The following PRKG1 variants were observed in gnomAD, a reference collection of about 807,000 sequenced individuals.
The protein encoded by PRKG1 is protein kinase cGMP-dependent 1, also known as cGMP-dependent protein kinase 1.
A neutral mutation model predicts 88.1 loss-of-function variants in PRKG1; 35 were observed. That is an observed-to-expected ratio of 0.40 (90% CI 0.30 to 0.53). The LOEUF (loss-of-function observed/expected upper bound fraction) is 0.53. Among genes scored for constraint, PRKG1 ranks in the 20% least tolerant of loss-of-function variants. The probability of loss-of-function intolerance (pLI) is 0.59; values close to 1 mark genes in which losing one functional copy is unlikely to be tolerated. For synonymous variants in PRKG1, 303 were observed against 292.5 expected, an observed-to-expected ratio of 1.04 and a Z score of -0.37; for missense variants, 540 against 839.8, an observed-to-expected ratio of 0.64 and a Z score of 4.41.
chr10:52,090,552 T>C (rs1847030793), intron 7 of PRKG1, among the ~76,000 whole-genome samples: 1 of 152,186 alleles, frequency 6.6e-6, no homozygotes, highest in Non-Finnish European at 1.5e-5. Flanking sequence ...TAATAATTGC[T>C]GCAGGCAAGA....
intron 2 of PRKG1, among the ~76,000 whole-genome samples, chr10:51,415,174 C>T (rs559241814): frequency 2.6e-5 from 4 of 152,316 alleles, no homozygotes; most frequent in South Asian, 2.1e-4. Flanking sequence ...AGTATGCTGC[C>T]TCTCTGCAGT....
At chr10:51,754,009 T>C (rs1837794196) in intron 3 of PRKG1, among the ~76,000 whole-genome samples, 1 of 152,132 alleles carries the variant, frequency 6.6e-6, no homozygotes, top group South Asian at 2.1e-4. Context: ...CACTGTAACA[T>C]GGACTCTTGA....
At chr10:52,191,145 G>C (rs990556010) in intron 9 of PRKG1, among the ~76,000 whole-genome samples, 2 of 151,918 alleles carry the variant, frequency 1.3e-5, no homozygotes, top group Non-Finnish European at 2.9e-5. Context: ...CCTACCCTAC[G>C]ATAGTCCTAT....
chr10:51,925,948 A>G (rs1475377702), intron 5 of PRKG1, among the ~76,000 whole-genome samples: 10 of 152,196 alleles, frequency 6.6e-5, no homozygotes, highest in African/African-American at 1.9e-4. Flanking sequence ...TTTAAAAAAT[A>G]TAAAATATAA....
chr10:51,409,850 C>CAAAA (rs71459417), intron 2 of PRKG1, among the ~76,000 whole-genome samples: 17,344 of 79,090 alleles, frequency 0.22, 2,549 homozygotes, highest in Middle Eastern at 0.28. Context: ...GAGACTCTGT[C>CAAAA]AAAAAAAAAA....
In PRKG1 at chr10:52,295,232, A is replaced by G. The variant is rs1842354755; in HGVS notation, c.*1332A>G. On this transcript the variant is annotated 3_prime_UTR_variant, in exon 18 of 18. Coordinates refer to ENST00000373980, the MANE Select transcript of PRKG1 (RefSeq NM_006258.4). ...CTTATTTGAGGTCAGAGAACAAAACAAGAACCTGGCCAGGTGTTGATTACC... is the reference window on the plus strand; with the variant it reads ...CTTATTTGAGGTCAGAGAACAAAACGAGAACCTGGCCAGGTGTTGATTACC... 2.0e-5 allele frequency: 3 copies of G among 152,120 alleles called. No homozygotes were observed. The highest frequency in any genetic ancestry group is 4.8e-5 in the African/African-American group (2 of 41,456). 9.4% of individuals were successfully genotyped at this position (152,120 alleles called of 1,614,324 possible).
chr10:51,327,492 A>T (rs942521945), intron 2 of PRKG1, among the ~76,000 whole-genome samples: 26 of 152,082 alleles, frequency 1.7e-4, no homozygotes, highest in Admixed American at 8.5e-4. Flanking sequence ...AAATGTTTTT[A>T]AAAAATTAAA....
chr10:52,185,505 G>A (rs1242429536), intron 9 of PRKG1, among the ~76,000 whole-genome samples: 3 of 152,158 alleles, frequency 2.0e-5, no homozygotes, highest in Non-Finnish European at 2.9e-5. Flanking sequence ...CAAGCTCCCT[G>A]TGGCTGTACC....
intron 4 of PRKG1, among the ~76,000 whole-genome samples, chr10:51,879,211 G>T (rs1253258231): frequency 6.6e-6 from 1 of 152,148 alleles, no homozygotes; most frequent in Non-Finnish European, 1.5e-5. Flanking sequence ...CAGAAACCTG[G>T]ACTATAATAT....
At chr10:51,946,230 C>G (rs1240862972) in intron 5 of PRKG1, among the ~76,000 whole-genome samples, 1 of 152,012 alleles carries the variant, frequency 6.6e-6, no homozygotes, top group East Asian at 1.9e-4. Flanking sequence ...TCACTGATAC[C>G]CTTTCTTCCA....
intron 9 of PRKG1, among the ~76,000 whole-genome samples, chr10:52,207,967 G>T (rs1839864436): frequency 6.6e-6 from 1 of 151,970 alleles, no homozygotes; most frequent in Admixed American, 6.6e-5. Flanking sequence ...AGTCCTTCTT[G>T]GTCGCCCTTC....
intron 1 of PRKG1, among the ~76,000 whole-genome samples, chr10:51,044,934 T>A (rs1229363348): frequency 6.6e-6 from 1 of 152,204 alleles, no homozygotes; most frequent in African/African-American, 2.4e-5. Flanking sequence ...GGGATGGATT[T>A]AGCTTACTTG....
At chr10:51,619,955 T>G (rs1303227073) in intron 3 of PRKG1, among the ~76,000 whole-genome samples, 1 of 152,146 alleles carries the variant, frequency 6.6e-6, no homozygotes, top group Non-Finnish European at 1.5e-5. Flanking sequence ...CTTTGGAGTT[T>G]TCTTTTAGGC....
chr10:51,518,229 C>T (rs1317667631), intron 3 of PRKG1, among the ~76,000 whole-genome samples: 1 of 152,096 alleles, frequency 6.6e-6, no homozygotes. Flanking sequence ...AACTCCTGGC[C>T]TCAGGTGATC....
At chr10:52,128,053 C>T (rs895961945) in intron 7 of PRKG1, 49 of 984,790 alleles carry the variant, frequency 5.0e-5, no homozygotes, top group Non-Finnish European at 5.7e-5. Context: ...TTATCCTACC[C>T]CTTGTAGTAA....
At chr10:51,007,699 C>T (rs1842954594) in intron 1 of PRKG1, among the ~76,000 whole-genome samples, 1 of 152,128 alleles carries the variant, frequency 6.6e-6, no homozygotes. Flanking sequence ...ATGCAAAAGA[C>T]CTGTTGTAAG....
At chr10:52,032,054 G>A (rs1447738912) in intron 5 of PRKG1, among the ~76,000 whole-genome samples, 1 of 152,158 alleles carries the variant, frequency 6.6e-6, no homozygotes, top group Non-Finnish European at 1.5e-5. Flanking sequence ...ATGCCATGGA[G>A]AATGTTGAGC....
intron 2 of PRKG1, among the ~76,000 whole-genome samples, chr10:51,314,737 T>C (rs1841277250): frequency 6.6e-6 from 1 of 152,236 alleles, no homozygotes; most frequent in African/African-American, 2.4e-5. Flanking sequence ...GATGAGATTC[T>C]GTTTCTGAGC....
chr10:52,128,403 T>C (rs1381153626), intron 7 of PRKG1: 5 of 985,234 alleles, frequency 5.1e-6, no homozygotes, highest in Non-Finnish European at 6.0e-6. Flanking sequence ...CTCATAGCCA[T>C]GAGACACAAG....
Sources: allele counts gnomAD v4.1 joint callset (sites outside exome capture counted in the v4.1 genomes callset), GRCh38; gene constraint gnomAD v4.1.1; transcripts MANE v1.5; gene names NCBI Gene and HGNC (gene_info 2026-07-23, HGNC 2026-07-21).